The following KLHL8 variants were observed in gnomAD, a reference collection of about 807,000 sequenced individuals.
KLHL8 encodes kelch-like protein 8.
KLHL8 carries 38 observed loss-of-function variants against 63.5 expected under a neutral mutation model. That is an observed-to-expected ratio of 0.60 (90% CI 0.46 to 0.78). The LOEUF (loss-of-function observed/expected upper bound fraction) is 0.78, where lower values mean the gene tolerates loss of function less well. Among genes scored for constraint, KLHL8 ranks in the 30% least tolerant of loss-of-function variants. The pLI is 0.00. For synonymous variants in KLHL8, 224 were observed against 254.3 expected, an observed-to-expected ratio of 0.88 and a Z score of 1.13; for missense variants, 566 against 752.4, an observed-to-expected ratio of 0.75 and a Z score of 2.90.
intron 1 of KLHL8, among the ~76,000 whole-genome samples, chr4:87,212,021 T>C (rs1188716482): frequency 1.3e-5 from 2 of 151,970 alleles, no homozygotes; most frequent in Non-Finnish European, 2.9e-5. Context: ...TCCTTACGTA[T>C]AGAAAAAAGG....
At chr4:87,234,866 C>G (rs1387694429) in intron 1 of KLHL8, among the ~76,000 whole-genome samples, 1 of 152,104 alleles carries the variant, frequency 6.6e-6, no homozygotes, top group Non-Finnish European at 1.5e-5. Flanking sequence ...ATTGACGATC[C>G]TGACACTGTG....
chr4:87,206,997 A>G (rs1414773940), intron 1 of KLHL8: 16 of 302,580 alleles, frequency 5.3e-5, no homozygotes, highest in Middle Eastern at 1.1e-3. Flanking sequence ...TTTTCCCCCA[A>G]TGAAAAAAAC....
intron 1 of KLHL8, among the ~76,000 whole-genome samples, chr4:87,232,714 T>C (rs1189709768): frequency 6.6e-6 from 1 of 152,228 alleles, no homozygotes; most frequent in Non-Finnish European, 1.5e-5. Flanking sequence ...ATACCAGTGG[T>C]AGACATAAAA....
At chr4:87,212,424 C>A (rs189702057) in intron 1 of KLHL8, among the ~76,000 whole-genome samples, 4 of 151,996 alleles carry the variant, frequency 2.6e-5, no homozygotes, top group African/African-American at 4.8e-5. Flanking sequence ...GACAAAAGAT[C>A]AAAAAATTAG....
At chr4:87,167,264 C>T in intron 8 of KLHL8, 2 of 482,174 alleles carry the variant, frequency 4.1e-6, no homozygotes, top group Non-Finnish European at 4.0e-6. Context: ...CAGGACAGGA[C>T]CCATATTAGA....
In KLHL8 at chr4:87,163,969, C is replaced by G. The variant is rs1442944303; in HGVS notation, c.1648G>C (p.Ala550Pro). Reference protein sequence around the residue: ...LTTPRGGVGIATVMGKIFAVG... With the variant: ...LTTPRGGVGIPTVMGKIFAVG... ...GCAAAGATTTTGCCCATCACTGTTG[C>G]GATTCCCACTCCACCTCTGGGAGTA... The change falls in exon 9 of 10, where the codon GCA becomes CCA. Residue 550 changes from alanine (A) to proline (P), a missense_variant. Ala to Pro is a conservative substitution (Grantham distance 27). Coordinates refer to ENST00000273963, the MANE Select transcript of KLHL8 (RefSeq NM_020803.5). 1.2e-6 allele frequency: 2 copies of G among 1,614,050 alleles called. No homozygotes were observed. The highest frequency in any genetic ancestry group is 1.7e-6 in the Non-Finnish European group (2 of 1,180,024).
chr4:87,164,972 C>A (rs576116915), intron 8 of KLHL8, among the ~76,000 whole-genome samples: 3 of 151,598 alleles, frequency 2.0e-5, no homozygotes, highest in Admixed American at 6.6e-5. Context: ...CACGGTGAAA[C>A]CCCGTCTCTA....
Position 87,178,634 on chromosome 4 carries a change from C to A in KLHL8, c.953-14G>T. On this transcript the variant is annotated splice_polypyrimidine_tract_variant and intron_variant, in intron 4 of 9. Transcript: ENST00000273963. The stretch of plus-strand genomic sequence containing the variant: ...AAAACAGCACACCTAAAGGTAAAGC[C>A]ACAAAATAGAGATAAATCATAGCTG... 2.7e-6 allele frequency: 4 copies of A among 1,506,436 alleles called. No homozygotes were observed. The highest frequency in any genetic ancestry group is 3.5e-6 in the Non-Finnish European group (4 of 1,130,810). The allele number at this position is 1,506,436 out of a possible 1,614,324, so 93.3% of individuals were successfully genotyped here. A position where few individuals can be genotyped will look rare whatever the true frequency, so the allele number is the denominator to read the frequency against.
chr4:87,197,251 GATTA>G (rs1731734587), intron 1 of KLHL8, among the ~76,000 whole-genome samples: 2 of 95,302 alleles, frequency 2.1e-5, no homozygotes. Context: ...CCACTCTCTT[GATTA>G]TGTTACATTA....
intron 6 of KLHL8, among the ~76,000 whole-genome samples, chr4:87,175,749 GAATATA>G (rs1730796423): frequency 6.6e-6 from 1 of 152,070 alleles, no homozygotes; most frequent in Non-Finnish European, 1.5e-5. Context: ...ATGTTGATGA[GAATATA>G]AATATTAGAA....
intron 1 of KLHL8, among the ~76,000 whole-genome samples, chr4:87,231,230 G>A (rs1029456390): frequency 1.1e-4 from 16 of 152,120 alleles, no homozygotes; most frequent in Admixed American, 5.2e-4. Context: ...GTCACCCTCC[G>A]CGGAATCTGT....
intron 8 of KLHL8, among the ~76,000 whole-genome samples, chr4:87,164,593 C>G (rs1212420437): frequency 2.6e-5 from 4 of 152,218 alleles, no homozygotes; most frequent in African/African-American, 9.7e-5. Flanking sequence ...TGGACTATGA[C>G]TGAATTCTCA....
intron 1 of KLHL8, among the ~76,000 whole-genome samples, chr4:87,214,429 T>G (rs1439990026): frequency 1.9e-5 from 1 of 51,458 alleles, no homozygotes; most frequent in Non-Finnish European, 3.4e-5. Flanking sequence ...TATATATATA[T>G]ATATATATAT....
At chr4:87,191,225 T>C (rs1319449898) in intron 2 of KLHL8, among the ~76,000 whole-genome samples, 1 of 152,116 alleles carries the variant, frequency 6.6e-6, no homozygotes, top group Non-Finnish European at 1.5e-5. Context: ...TCCCAGCAGT[T>C]TGGGAGGCTG....
intron 1 of KLHL8, among the ~76,000 whole-genome samples, chr4:87,211,827 T>G (rs1578399556): frequency 6.6e-6 from 1 of 152,132 alleles, no homozygotes; most frequent in East Asian, 1.9e-4. Context: ...GAAAGACTGA[T>G]TAGAGAGGTC....
intron 1 of KLHL8, chr4:87,207,693 C>A: frequency 1.1e-6 from 1 of 950,584 alleles, no homozygotes; most frequent in South Asian, 1.3e-5. Flanking sequence ...GCAGGGCTCT[C>A]CAGAACATCA....
In KLHL8 at chr4:87,177,930, T is replaced by C. The variant is rs116822707; in HGVS notation, c.1096+547A>G. Among the ~76,000 whole-genome samples, 721 of 152,238 alleles carry C rather than the reference T, an allele frequency of 4.7e-3. 9 individuals carry two copies. Among genetic ancestry groups the C allele is most frequent in the African/African-American group, 0.016 (658 of 41,544 alleles). On this transcript the variant is annotated intron_variant, in intron 5 of 9. Coordinates refer to ENST00000273963, the MANE Select transcript of KLHL8 (RefSeq NM_020803.5). ...ACAAACAAAAACACACAGAGAAAGATAGGCAAGATTGTACACCAAAATGTC... is the reference window on the plus strand; with the variant it reads ...ACAAACAAAAACACACAGAGAAAGACAGGCAAGATTGTACACCAAAATGTC...
Position 87,160,894 on chromosome 4 carries a change from T to C in KLHL8, c.*2625A>G, listed in dbSNP as rs1730133731. 1 of 152,226 alleles carries C rather than the reference T, an allele frequency of 6.6e-6. No homozygotes were observed. Among genetic ancestry groups the C allele is most frequent in the Non-Finnish European group, 1.5e-5 (1 of 68,042 alleles). The allele number at this position is 152,226 out of a possible 1,614,324, so 9.4% of individuals were successfully genotyped here. ...AAGTCTCACAATAAAGTAGCCATCT[T>C]CTTTGAATATTTCATCTCTTCATTT... On this transcript the variant is annotated 3_prime_UTR_variant, in exon 10 of 10. Coordinates refer to ENST00000273963, the MANE Select transcript of KLHL8 (RefSeq NM_020803.5).
At chr4:87,166,191 G>A (rs1730392414) in intron 8 of KLHL8, among the ~76,000 whole-genome samples, 1 of 152,198 alleles carries the variant, frequency 6.6e-6, no homozygotes, top group South Asian at 2.1e-4. Context: ...CTACATTACA[G>A]AGCTGTTGTG....
Sources: gnomAD v4.1 joint callset for allele counts (sites outside exome capture counted in the v4.1 genomes callset) on GRCh38, gnomAD v4.1.1 for gene constraint, MANE v1.5 for transcripts, NCBI Gene and HGNC (gene_info 2026-07-23, HGNC 2026-07-21) for gene names.